Variants in FAM107B observed in about 807,000 individuals in gnomAD.
FAM107B encodes family with sequence similarity 107 member B, also known as protein FAM107B.
FAM107B carries 21 observed loss-of-function variants against 31.5 expected under a neutral mutation model. That is an observed-to-expected ratio of 0.67 (90% CI 0.47 to 0.96). FAM107B has a LOEUF of 0.96. Ranked by LOEUF, FAM107B falls within the 40% of genes least tolerant of loss-of-function variation. The probability of loss-of-function intolerance (pLI) is 0.00; values close to 1 mark genes in which losing one functional copy is unlikely to be tolerated. For synonymous variants in FAM107B, 157 were observed against 141.5 expected (o/e 1.11, Z -0.78); for missense variants, 452 against 377.1 (o/e 1.20, Z -1.64).
rs77776837 is a variant in FAM107B at position 14,576,982 on chromosome 10, T to C, written c.470-46467A>G. ...CAAGCAGAATGGAAAAAATACATAATAATGCATGGCTTTTTTGATCAATAA... is the reference window on the plus strand; with the variant it reads ...CAAGCAGAATGGAAAAAATACATAACAATGCATGGCTTTTTTGATCAATAA... On this transcript the variant is annotated intron_variant, in intron 2 of 4. Transcript: ENST00000181796. Among the ~76,000 whole-genome samples, 851 of 152,300 alleles carry C rather than the reference T, an allele frequency of 5.6e-3. 34 individuals are homozygous for C. In the East Asian group the frequency reaches 0.1, roughly 18 times the overall value.
chr10:14,708,574 T>C (rs1855571051), intron 1 of FAM107B, among the ~76,000 whole-genome samples: 1 of 152,150 alleles, frequency 6.6e-6, no homozygotes, highest in African/African-American at 2.4e-5. Flanking sequence ...TATTTACTCT[T>C]TAATTTGAGC....
intron 2 of FAM107B, among the ~76,000 whole-genome samples, chr10:14,546,689 C>T (rs188011067): frequency 6.6e-6 from 1 of 152,350 alleles, no homozygotes; most frequent in African/African-American, 2.4e-5. Context: ...CTACTTCCCA[C>T]TGCATCTTGC....
chr10:14,619,869 T>C (rs1165977120), intron 2 of FAM107B, among the ~76,000 whole-genome samples: 1 of 151,894 alleles, frequency 6.6e-6, no homozygotes, highest in African/African-American at 2.4e-5. Context: ...GGTGTAAAGG[T>C]TGAATTTCTT....
intron 2 of FAM107B, among the ~76,000 whole-genome samples, chr10:14,599,770 AC>A (rs1262108089): frequency 2.1e-5 from 3 of 140,278 alleles, no homozygotes; most frequent in African/African-American, 8.1e-5. Context: ...ACTCAACACA[AC>A]TCCCTCTTTG....
At chr10:14,576,934 C>A (rs11259199) in intron 2 of FAM107B, among the ~76,000 whole-genome samples, 1 of 151,908 alleles carries the variant, frequency 6.6e-6, no homozygotes. Flanking sequence ...TTAAACACGA[C>A]GAAAAAACAG....
intron 1 of FAM107B, among the ~76,000 whole-genome samples, chr10:14,698,210 T>A (rs955350021): frequency 2.0e-5 from 3 of 152,208 alleles, no homozygotes; most frequent in African/African-American, 7.2e-5. Context: ...AACAAATCAT[T>A]CATGCAGTAG....
chr10:14,694,031 T>C lies in FAM107B; in HGVS notation c.412-26340A>G, dbSNP rs542565744. Among the ~76,000 whole-genome samples the C allele has an allele frequency of 4.6e-5, 7 of 152,380 alleles. No individual in the cohort carries two copies. The East Asian group carries it at 1.3e-3, about 29-fold the overall frequency. ...ATATTGCTCTCCGGGTTCATCTGTG[T>C]TGTGGTAAAGGGCTGGACCTTCTTT... is the stretch of plus-strand genomic sequence containing the variant. On this transcript the variant is annotated intron_variant, in intron 1 of 4. Coordinates refer to ENST00000181796, the MANE Select transcript of FAM107B (RefSeq NM_031453.4).
At chr10:14,703,601 C>T (rs1435972489) in intron 1 of FAM107B, among the ~76,000 whole-genome samples, 2 of 152,196 alleles carry the variant, frequency 1.3e-5, no homozygotes, top group South Asian at 2.1e-4. Flanking sequence ...TCCCAAAGTG[C>T]TAGGATTACA....
chr10:14,566,419 C>T (rs541766654), intron 2 of FAM107B, among the ~76,000 whole-genome samples: 4 of 152,258 alleles, frequency 2.6e-5, no homozygotes, highest in Middle Eastern at 3.4e-3. Context: ...CATGGAACTG[C>T]AGGCGACCCA....
intron 1 of FAM107B, chr10:14,723,800 C>T (rs1855968504): frequency 1.3e-6 from 1 of 757,800 alleles, no homozygotes; most frequent in African/African-American, 1.7e-5. Context: ...TTCAGCAGGG[C>T]CCTCTGGCCA....
intron 1 of FAM107B, among the ~76,000 whole-genome samples, chr10:14,745,153 C>A (rs983504794): frequency 6.6e-6 from 1 of 151,882 alleles, no homozygotes; most frequent in Non-Finnish European, 1.5e-5. Flanking sequence ...GTGGTGATAT[C>A]CCCTTTATCA....
rs544547764 is a variant in FAM107B at position 14,768,607 on chromosome 10, C to A, written c.411+5646G>T. Among the ~76,000 whole-genome samples, 3 of 152,294 alleles carry A rather than the reference C, an allele frequency of 2.0e-5. No individual in the cohort carries two copies. In the East Asian group the frequency reaches 5.8e-4, roughly 29 times the overall value. On this transcript the variant is annotated intron_variant, in intron 1 of 4. Coordinates refer to ENST00000181796, the MANE Select transcript of FAM107B (RefSeq NM_031453.4). ...TCTACATGCAAAAGAATGATGGTGGCACCACAATGTGAATATGCCTAATGA... is the reference window on the plus strand; with the variant it reads ...TCTACATGCAAAAGAATGATGGTGGAACCACAATGTGAATATGCCTAATGA...
At chr10:14,710,431 TACACAC>T (rs57418409) in intron 1 of FAM107B, among the ~76,000 whole-genome samples, 7,688 of 146,408 alleles carry the variant, frequency 0.053, 218 homozygotes, top group South Asian at 0.11. Context: ...TCTCTAAAAA[TACACAC>T]ACACACACAC....
At chr10:14,718,427 A>AAGAG (rs775404260) in intron 1 of FAM107B, among the ~76,000 whole-genome samples, 1 of 147,500 alleles carries the variant, frequency 6.8e-6, no homozygotes, top group Non-Finnish European at 1.5e-5. Context: ...GAAAGAAAGA[A>AAGAG]AGAGAGGGAG....
At chr10:14,772,063 G>A (rs943795928) in intron 1 of FAM107B, among the ~76,000 whole-genome samples, 1 of 152,112 alleles carries the variant, frequency 6.6e-6, no homozygotes, top group Non-Finnish European at 1.5e-5. Context: ...GGCACCATAA[G>A]AATATGCACT....
At chr10:14,567,722 C>T (rs544700208) in intron 2 of FAM107B, among the ~76,000 whole-genome samples, 2 of 152,068 alleles carry the variant, frequency 1.3e-5, no homozygotes, top group Middle Eastern at 3.2e-3. Context: ...TGGAAAGGGA[C>T]CTGGAATGGG....
intron 2 of FAM107B, among the ~76,000 whole-genome samples, chr10:14,614,656 C>T (rs1193036106): frequency 7.4e-6 from 1 of 135,302 alleles, no homozygotes. Context: ...CTGGGTGACA[C>T]AGCAAGCGAG....
At chr10:14,550,735 C>T (rs369730890) in intron 2 of FAM107B, among the ~76,000 whole-genome samples, 1 of 152,214 alleles carries the variant, frequency 6.6e-6, no homozygotes, top group Non-Finnish European at 1.5e-5. Flanking sequence ...TTTGACTTCA[C>T]TCACAGCTCT....
intron 2 of FAM107B, among the ~76,000 whole-genome samples, chr10:14,561,239 T>G (rs1367224563): frequency 6.6e-6 from 1 of 152,252 alleles, no homozygotes; most frequent in Non-Finnish European, 1.5e-5. Context: ...ACAAAGCCAC[T>G]GCCCTCTTGG....
Sources: allele counts gnomAD v4.1 joint callset (sites outside exome capture counted in the v4.1 genomes callset), GRCh38; gene constraint gnomAD v4.1.1; transcripts MANE v1.5; gene names NCBI Gene and HGNC (gene_info 2026-07-23, HGNC 2026-07-21).